Variants in DUSP10 observed in about 807,000 individuals in gnomAD.
DUSP10 encodes the protein dual specificity protein phosphatase 10.
In DUSP10, 14 loss-of-function variants were observed where a neutral mutation model predicts 30.8. The observed-to-expected ratio is 0.46, with a 90% CI of 0.30 to 0.71. The LOEUF is 0.71. Among genes scored for constraint, DUSP10 ranks in the 30% least tolerant of loss-of-function variants. DUSP10 has a pLI of 0.08. For synonymous variants in DUSP10, 254 were observed against 250.4 expected (o/e 1.01, Z -0.14); for missense variants, 550 against 619.4 (o/e 0.89, Z 1.19).
At chr1:221,708,714 A>G (rs185941236) in intron 2 of DUSP10, among the ~76,000 whole-genome samples, 149 of 152,328 alleles carry the variant, frequency 9.8e-4, no homozygotes, top group Middle Eastern at 6.8e-3. Context: ...AAAAATAAAT[A>G]AGATAAAAAC....
At chr1:221,713,405 A>G (rs549360578) in intron 2 of DUSP10, among the ~76,000 whole-genome samples, 3 of 152,228 alleles carry the variant, frequency 2.0e-5, no homozygotes, top group Admixed American at 6.5e-5. Context: ...AGAAGCCTTG[A>G]AAAAAAAGAC....
intron 2 of DUSP10, among the ~76,000 whole-genome samples, chr1:221,721,979 AC>A (rs896937942): frequency 1.3e-5 from 2 of 152,188 alleles, no homozygotes; most frequent in African/African-American, 4.8e-5. Flanking sequence ...CAGTATCTTC[AC>A]CAACCCCGGG....
rs572353426 is a variant in DUSP10 at position 221,705,402 on chromosome 1, C to T, written c.1183+693G>A. Among the ~76,000 whole-genome samples, 277 of 152,278 alleles carry T rather than the reference C, an allele frequency of 1.8e-3. 1 individual carries two copies. Among genetic ancestry groups the T allele is most frequent in the African/African-American group, 6.2e-3 (258 of 41,564 alleles). ...CTGGGATTACAGGCATGAGCCACCGCGCCCGGCGATATTTTGAGTCTTATA... is the reference window on the plus strand; with the variant it reads ...CTGGGATTACAGGCATGAGCCACCGTGCCCGGCGATATTTTGAGTCTTATA... On this transcript the variant is annotated intron_variant, in intron 3 of 3. Coordinates refer to ENST00000366899, the MANE Select transcript of DUSP10 (RefSeq NM_007207.6).
intron 3 of DUSP10, among the ~76,000 whole-genome samples, chr1:221,705,325 G>A (rs549358458): frequency 3.4e-4 from 52 of 152,114 alleles, no homozygotes; most frequent in African/African-American, 1.2e-3. Flanking sequence ...TGGTCAGGCT[G>A]GTCTCAAACT....
chr1:221,711,836 T>C (rs915913433), intron 2 of DUSP10: 3 of 152,224 alleles, frequency 2.0e-5, no homozygotes, highest in Admixed American at 6.5e-5. Context: ...ATGGATGCTA[T>C]GATATACTCC....
At chr1:221,710,368 T>C (rs1571810632) in intron 2 of DUSP10, among the ~76,000 whole-genome samples, 1 of 152,304 alleles carries the variant, frequency 6.6e-6, no homozygotes, top group Non-Finnish European at 1.5e-5. Context: ...CACCTGTCTG[T>C]TCCTCAGTTT....
chr1:221,738,930 T>A lies in DUSP10; in HGVS notation c.811+4A>T, dbSNP rs1417354634. On this transcript the variant is annotated splice_donor_region_variant and intron_variant, in intron 2 of 3. Coordinates refer to ENST00000366899, the MANE Select transcript of DUSP10 (RefSeq NM_007207.6). ...CGTGCTTGGGAAGGGAGCAGGGGCA[T>A]TACCTTTCAACACCAGAGGTTCTTT... 2.5e-6 allele frequency: 4 copies of A among 1,600,450 alleles called. No homozygotes were observed. Among genetic ancestry groups the A allele is most frequent in the Non-Finnish European group, 3.4e-6 (4 of 1,172,742 alleles).
At chr1:221,704,036 C>T (rs979436249) in intron 3 of DUSP10, among the ~76,000 whole-genome samples, 4 of 152,186 alleles carry the variant, frequency 2.6e-5, no homozygotes, top group Non-Finnish European at 4.4e-5. Flanking sequence ...AGAGAATGAG[C>T]TTCTGAGTGC....
chr1:221,706,606 AT>A lies in DUSP10; in HGVS notation c.812-141del, dbSNP rs1341622380. 333 of 567,972 alleles carry A rather than the reference AT, an allele frequency of 5.9e-4. No homozygotes were observed. The highest frequency in any genetic ancestry group is 1.0e-3 in the East Asian group (29 of 28,900). 35.2% of individuals were successfully genotyped at this position (567,972 alleles called of 1,614,324 possible). ...ATAAATATGTATTTAAGCAAAAAAAATAAAAATAAAAATAAAACAAAACAAA... is the reference window on the plus strand; with the variant it reads ...ATAAATATGTATTTAAGCAAAAAAAAAAAAATAAAAATAAAACAAAACAAA... On this transcript the variant is annotated intron_variant, in intron 2 of 3. Coordinates refer to ENST00000366899, the MANE Select transcript of DUSP10 (RefSeq NM_007207.6). This position sits in a 1 kb window ranked among gnomAD's most constrained non-coding sequence, Gnocchi z 4.6.
At chr1:221,722,231 A>G (rs985520285) in intron 2 of DUSP10, among the ~76,000 whole-genome samples, 3 of 152,260 alleles carry the variant, frequency 2.0e-5, no homozygotes, top group African/African-American at 7.2e-5. Flanking sequence ...ATAGCACGCT[A>G]TAACGCTCTT....
At chr1:221,714,594 C>T (rs1403717496) in intron 2 of DUSP10, among the ~76,000 whole-genome samples, 1 of 152,110 alleles carries the variant, frequency 6.6e-6, no homozygotes, top group Non-Finnish European at 1.5e-5. Flanking sequence ...CTGATCAAAC[C>T]AATCTGTGAG....
chr1:221,724,110 A>G (rs1252765208), intron 2 of DUSP10, among the ~76,000 whole-genome samples: 1 of 152,222 alleles, frequency 6.6e-6, no homozygotes, highest in Non-Finnish European at 1.5e-5. Flanking sequence ...AACTGAGGAC[A>G]ACGGCCAGAC....
At chr1:221,733,982 G>A (rs1183075197) in intron 2 of DUSP10, among the ~76,000 whole-genome samples, 1 of 152,192 alleles carries the variant, frequency 6.6e-6, no homozygotes, top group African/African-American at 2.4e-5. Flanking sequence ...CAGCAGTTCA[G>A]AAAGAAGTTT....
At chr1:221,709,970 G>A (rs570351004) in intron 2 of DUSP10, among the ~76,000 whole-genome samples, 2 of 152,130 alleles carry the variant, frequency 1.3e-5, no homozygotes, top group East Asian at 1.9e-4. Flanking sequence ...TGGAGGTTAA[G>A]AGCAAAGGTC....
chr1:221,717,474 G>C (rs890686510), intron 2 of DUSP10, among the ~76,000 whole-genome samples: 2 of 151,896 alleles, frequency 1.3e-5, no homozygotes, highest in African/African-American at 4.8e-5. Context: ...GAGAGAGAGA[G>C]AGAGAACGCA....
chr1:221,706,980 T>C lies in DUSP10; in HGVS notation c.812-514A>G, dbSNP rs759799607. On this transcript the variant is annotated intron_variant, in intron 2 of 3. Coordinates refer to ENST00000366899, the MANE Select transcript of DUSP10 (RefSeq NM_007207.6). The surrounding 1 kb of genome is among the most constrained non-coding windows in gnomAD (Gnocchi z 4.6). ...AGCAGAGTGGTTACAAGCAGGAACATTGGAAGAGACAGGTTATCTTGATTA... is the reference window on the plus strand; with the variant it reads ...AGCAGAGTGGTTACAAGCAGGAACACTGGAAGAGACAGGTTATCTTGATTA... Among the ~76,000 whole-genome samples, 4 of 152,172 alleles carry C rather than the reference T, an allele frequency of 2.6e-5. No homozygotes were observed. Among genetic ancestry groups the C allele is most frequent in the Admixed American group, 6.5e-5 (1 of 15,288 alleles).
rs1660767419 is a variant in DUSP10, at chr1:221,706,538, G to C, written c.812-72C>G. 2.4e-6 allele frequency: 3 copies of C among 1,249,002 alleles called. No individual in the cohort carries two copies. The highest frequency in any genetic ancestry group is 3.2e-6 in the Non-Finnish European group (3 of 936,530). The allele number at this position is 1,249,002 out of a possible 1,614,324, so 77.4% of individuals were successfully genotyped here. On this transcript the variant is annotated intron_variant, in intron 2 of 3. Transcript: ENST00000366899. The surrounding 1 kb of genome is among the most constrained non-coding windows in gnomAD (Gnocchi z 4.6). Reference sequence around the variant, plus strand: ...GGCAGAGAATGCCACCTCCCCATTAGAATGAGTTTGCATTGTAGCTCATGC... The same window carrying C: ...GGCAGAGAATGCCACCTCCCCATTACAATGAGTTTGCATTGTAGCTCATGC...
At chr1:221,741,773 A>G (rs542713830) in intron 1 of DUSP10, among the ~76,000 whole-genome samples, 2 of 152,244 alleles carry the variant, frequency 1.3e-5, no homozygotes, top group South Asian at 4.2e-4. Context: ...ACAGGGTAGC[A>G]GGAGCCAACG....
rs189733478 is a variant in DUSP10, at chr1:221,704,920, T to A, written c.1183+1175A>T. ...CCACTGGCTGTTAAACCTGAGGCTGTTTTTTTCTTTCTCTGACAAAGGAAC... is the reference window on the plus strand; with the variant it reads ...CCACTGGCTGTTAAACCTGAGGCTGATTTTTTCTTTCTCTGACAAAGGAAC... On this transcript the variant is annotated intron_variant, in intron 3 of 3. Coordinates refer to ENST00000366899, the MANE Select transcript of DUSP10 (RefSeq NM_007207.6). Among the ~76,000 whole-genome samples the A allele has an allele frequency of 3.2e-3, 493 of 152,186 alleles. 4 individuals carry two copies. Among genetic ancestry groups the A allele is most frequent in the African/African-American group, 0.012 (480 of 41,520 alleles).
Sources: allele counts gnomAD v4.1 joint callset (sites outside exome capture counted in the v4.1 genomes callset), GRCh38; gene constraint gnomAD v4.1.1; non-coding constraint Gnocchi (gnomAD v3.1); transcripts MANE v1.5; gene names NCBI Gene and HGNC (gene_info 2026-07-23, HGNC 2026-07-21).